Variants in CA10 observed in about 807,000 individuals in gnomAD.
CA10 encodes carbonic anhydrase 10 (inactive).
A neutral mutation model predicts 44.2 loss-of-function variants in CA10; 14 were observed. The ratio of observed to expected loss-of-function variants is 0.32; its 90% CI spans 0.21 to 0.50. The LOEUF (loss-of-function observed/expected upper bound fraction) is 0.50, where lower values mean the gene tolerates loss of function less well. CA10 is among the 20% of genes least tolerant of loss of function. The pLI is 0.99. For synonymous variants in CA10, 159 were observed against 141.6 expected (o/e 1.12, Z -0.87); for missense variants, 350 against 409.7 (o/e 0.85, Z 1.26).
intron 2 of CA10, among the ~76,000 whole-genome samples, chr17:51,974,177 A>T (rs1984376737): frequency 6.6e-6 from 1 of 152,094 alleles, no homozygotes; most frequent in South Asian, 2.1e-4. Context: ...CGAGGTCAGG[A>T]GATCGAGACC....
intron 3 of CA10, among the ~76,000 whole-genome samples, chr17:51,914,062 T>C (rs1981893108): frequency 6.6e-6 from 1 of 152,110 alleles, no homozygotes; most frequent in Admixed American, 6.5e-5. Flanking sequence ...CCATTTACAC[T>C]GGCCAGTCCT....
At chr17:52,070,854 G>T (rs1334761306) in intron 2 of CA10, among the ~76,000 whole-genome samples, 1 of 152,146 alleles carries the variant, frequency 6.6e-6, no homozygotes, top group African/African-American at 2.4e-5. Context: ...CTACCCATGG[G>T]CATGTCAATC....
intron 4 of CA10, among the ~76,000 whole-genome samples, chr17:51,716,178 T>C (rs1191474363): frequency 6.6e-6 from 1 of 152,184 alleles, no homozygotes; most frequent in African/African-American, 2.4e-5. Flanking sequence ...TTCTTTCTTT[T>C]GCTCCCCACC....
intron 2 of CA10, among the ~76,000 whole-genome samples, chr17:52,050,328 C>T (rs746904245): frequency 3.3e-5 from 5 of 151,940 alleles, no homozygotes; most frequent in South Asian, 2.1e-4. Context: ...GTCAATTTAT[C>T]GCTCTCTTTA....
chr17:51,855,577 A>G (rs1979003779), intron 3 of CA10, among the ~76,000 whole-genome samples: 1 of 152,228 alleles, frequency 6.6e-6, no homozygotes, highest in Non-Finnish European at 1.5e-5. Flanking sequence ...CAGTTTCTTG[A>G]GGAGCACAGT....
At chr17:51,713,697 C>A (rs1396864182) in intron 4 of CA10, among the ~76,000 whole-genome samples, 1 of 152,202 alleles carries the variant, frequency 6.6e-6, no homozygotes. Context: ...CTTTGAATAA[C>A]TGTGCCTACT....
At position 52,134,427 on chromosome 17, in the gene CA10, TTAAC is replaced by T. The variant is rs1203988384; in HGVS notation, c.61+23295_61+23298del. 2.0e-5 allele frequency among the ~76,000 whole-genome samples: 3 copies of T among 152,256 alleles called. No individual in the cohort carries two copies. In the East Asian group the frequency reaches 5.8e-4, roughly 29 times the overall value. ...TCATCCACCCACAAGCTTTCTGTCTTTAACTAAATTATTTAATATCACTGAGTCT... is the reference window on the plus strand; with the variant it reads ...TCATCCACCCACAAGCTTTCTGTCTTTAAATTATTTAATATCACTGAGTCT... On this transcript the variant is annotated intron_variant, in intron 1 of 8. Coordinates refer to ENST00000451037, the MANE Select transcript of CA10 (RefSeq NM_020178.5).
At chr17:52,120,413 ACCTTATCCTTAT>A (rs76764541) in intron 1 of CA10, among the ~76,000 whole-genome samples, 34,781 of 144,778 alleles carry the variant, frequency 0.24, 4,415 homozygotes, top group South Asian at 0.35. Context: ...TTCATCCTTA[ACCTTATCCTTAT>A]CCTTATCCTT....
intron 1 of CA10, among the ~76,000 whole-genome samples, chr17:52,129,388 T>C (rs1203722285): frequency 2.0e-5 from 3 of 152,220 alleles, no homozygotes; most frequent in Non-Finnish European, 4.4e-5. Flanking sequence ...GCAGAATGCT[T>C]TACATGAATT....
At chr17:51,878,159 A>G (rs1179485652) in intron 3 of CA10, among the ~76,000 whole-genome samples, 3 of 151,012 alleles carry the variant, frequency 2.0e-5, no homozygotes, top group Admixed American at 1.3e-4. Flanking sequence ...AAAAAAAAAA[A>G]AAAAAAAAGA....
At chr17:51,688,492 T>C (rs1410890160) in intron 4 of CA10, among the ~76,000 whole-genome samples, 3 of 152,240 alleles carry the variant, frequency 2.0e-5, no homozygotes, top group Non-Finnish European at 4.4e-5. Flanking sequence ...TTTAGCTTTC[T>C]TGTCTATAAC....
chr17:51,874,537 C>T (rs1410060420), intron 3 of CA10, among the ~76,000 whole-genome samples: 6 of 152,020 alleles, frequency 3.9e-5, no homozygotes, highest in Admixed American at 1.3e-4. Context: ...TTAGAATAGC[C>T]TCTGACCACA....
chr17:51,734,357 T>C (rs1470629622), intron 4 of CA10, among the ~76,000 whole-genome samples: 1 of 152,184 alleles, frequency 6.6e-6, no homozygotes. Context: ...CTTTCATTTC[T>C]GGATGAAGGA....
At chr17:52,156,903 C>T (rs1387899158) in intron 1 of CA10, among the ~76,000 whole-genome samples, 1 of 152,142 alleles carries the variant, frequency 6.6e-6, no homozygotes, top group East Asian at 1.9e-4. Context: ...TCCCAGCTTC[C>T]TCCCAACCCC....
intron 2 of CA10, among the ~76,000 whole-genome samples, chr17:52,063,598 G>T (rs1598194879): frequency 6.6e-6 from 1 of 152,244 alleles, no homozygotes; most frequent in African/African-American, 2.4e-5. Context: ...TTGTTAAAAA[G>T]AACCTGGCAA....
chr17:51,833,295 T>G (rs576334785), intron 3 of CA10, among the ~76,000 whole-genome samples: 1 of 152,150 alleles, frequency 6.6e-6, no homozygotes, highest in Non-Finnish European at 1.5e-5. Flanking sequence ...GATAAACCAA[T>G]GCATCCTGTC....
intron 3 of CA10, among the ~76,000 whole-genome samples, chr17:51,909,837 C>T (rs1418514922): frequency 6.6e-6 from 1 of 152,142 alleles, no homozygotes; most frequent in Non-Finnish European, 1.5e-5. Flanking sequence ...GAGAAAGACT[C>T]CTTTCTTCAA....
At chr17:51,936,426 A>G (rs1982868031) in intron 2 of CA10, among the ~76,000 whole-genome samples, 1 of 151,956 alleles carries the variant, frequency 6.6e-6, no homozygotes, top group Non-Finnish European at 1.5e-5. Context: ...GTCTCTCTGG[A>G]AGGGTCAGCT....
intron 4 of CA10, among the ~76,000 whole-genome samples, chr17:51,696,995 A>G: frequency 6.6e-6 from 1 of 152,148 alleles, no homozygotes; most frequent in African/African-American, 2.4e-5. Context: ...GGCTTTGGGA[A>G]ATCAGTAAAC....
Sources: allele counts gnomAD v4.1 joint callset (sites outside exome capture counted in the v4.1 genomes callset), GRCh38; gene constraint gnomAD v4.1.1; transcripts MANE v1.5; gene names NCBI Gene and HGNC (gene_info 2026-07-23, HGNC 2026-07-21).